SCNN1B: variants seen among roughly 807,000 people sequenced by gnomAD.
The protein encoded by SCNN1B is epithelial sodium channel subunit beta.
A neutral mutation model predicts 65.3 loss-of-function variants in SCNN1B; 46 were observed. That is an observed-to-expected ratio of 0.70 (90% CI 0.56 to 0.90). SCNN1B has a LOEUF of 0.90. Among genes scored for constraint, SCNN1B ranks in the 40% least tolerant of loss-of-function variants. SCNN1B has a pLI of 0.00. For synonymous variants in SCNN1B, 349 were observed against 330.6 expected, an observed-to-expected ratio of 1.06 and a Z score of -0.60; for missense variants, 751 against 830.5, an observed-to-expected ratio of 0.90 and a Z score of 1.18.
intron 1 of SCNN1B, among the ~76,000 whole-genome samples, chr16:23,312,493 A>T (rs1235573394): frequency 2.0e-5 from 3 of 151,522 alleles, no homozygotes; most frequent in African/African-American, 7.3e-5. Context: ...CAGCATGCTG[A>T]CCCCCAGGCA....
At chr16:23,308,783 C>A (rs180798948) in intron 1 of SCNN1B, among the ~76,000 whole-genome samples, 2 of 152,244 alleles carry the variant, frequency 1.3e-5, no homozygotes, top group Non-Finnish European at 2.9e-5. Flanking sequence ...CAGGTGCCTG[C>A]CCCCACACCC....
At chr16:23,281,567 C>T (rs1289681242) in intron 1 of SCNN1B, among the ~76,000 whole-genome samples, 1 of 152,200 alleles carries the variant, frequency 6.6e-6, no homozygotes, top group Non-Finnish European at 1.5e-5. Flanking sequence ...GGGTCAGGTA[C>T]AGTTGGCACT....
In SCNN1B at chr16:23,372,646, G is replaced by A. The variant is rs1596883919; in HGVS notation, c.1152+763G>A. On this transcript the variant is annotated intron_variant, in intron 7 of 12. Transcript: ENST00000343070. ...GTAGCTGGGACTACAGGTGCCCACC[G>A]CTACACCGGCTAATTTTTTTGTATT... Among the ~76,000 whole-genome samples the A allele has an allele frequency of 3.3e-5, 5 of 151,522 alleles. No individual in the cohort carries two copies. The South Asian group carries it at 6.3e-4, about 19-fold the overall frequency.
intron 7 of SCNN1B, among the ~76,000 whole-genome samples, chr16:23,374,269 A>G (rs1449951209): frequency 1.2e-4 from 5 of 42,918 alleles, no homozygotes; most frequent in African/African-American, 5.4e-4. Context: ...CTGTCTCAGG[A>G]AAAAAAAAAA....
Position 23,331,350 on chromosome 16 carries a change from A to G in SCNN1B, c.-8-17242A>G, listed in dbSNP as rs1596842496. Among the ~76,000 whole-genome samples, 3 of 147,338 alleles carry G rather than the reference A, an allele frequency of 2.0e-5. No homozygotes were observed. The East Asian group carries it at 6.0e-4, about 29-fold the overall frequency. On this transcript the variant is annotated intron_variant, in intron 1 of 12. Coordinates refer to ENST00000343070, the MANE Select transcript of SCNN1B (RefSeq NM_000336.3). ...CTTTTTTTTTTTTTTTTTGAGACAG[A>G]GTCTCACTTTGTCATCCAGGCTGGA...
intron 5 of SCNN1B, 83 bp from the exon 6 acceptor site, chr16:23,371,216 G>A (rs907859875): frequency 4.5e-5 from 69 of 1,521,858 alleles, no homozygotes; most frequent in Non-Finnish European, 5.4e-6. Flanking sequence ...CCTGGCCGGA[G>A]GGAGCTTGGA....
At chr16:23,363,933 A>G (rs1962600368) in intron 4 of SCNN1B, among the ~76,000 whole-genome samples, 1 of 151,904 alleles carries the variant, frequency 6.6e-6, no homozygotes, top group South Asian at 2.1e-4. Flanking sequence ...TTGGGAGGCC[A>G]AGGCAGGTGG....
chr16:23,356,645 C>CA (rs1962427700), intron 4 of SCNN1B, among the ~76,000 whole-genome samples: 1 of 151,124 alleles, frequency 6.6e-6, no homozygotes, highest in African/African-American at 2.4e-5. Flanking sequence ...AAACAAAAAA[C>CA]AAAAAAACAC....
intron 4 of SCNN1B, among the ~76,000 whole-genome samples, chr16:23,360,201 A>AAAATAAATAAATAAAT (rs781261312): frequency 0.086 from 11,431 of 132,556 alleles, 529 homozygotes; most frequent in Middle Eastern, 0.13. Flanking sequence ...CCATCTCAAA[A>AAAATAAATAAATAAAT]AAATAAATAA....
intron 1 of SCNN1B, among the ~76,000 whole-genome samples, chr16:23,302,781 C>A (rs556977823): frequency 4.6e-5 from 7 of 152,310 alleles, no homozygotes; most frequent in African/African-American, 1.7e-4. Flanking sequence ...CAATGAAACT[C>A]GAGAGCGCTT....
intron 1 of SCNN1B, among the ~76,000 whole-genome samples, chr16:23,317,591 T>C (rs985857037): frequency 1.6e-4 from 25 of 152,206 alleles, no homozygotes; most frequent in African/African-American, 6.0e-4. Context: ...AGGATCCTTT[T>C]CCAGGCTGCA....
chr16:23,360,890 G>A (rs1386794619), intron 4 of SCNN1B, among the ~76,000 whole-genome samples: 1 of 152,076 alleles, frequency 6.6e-6, no homozygotes, highest in Non-Finnish European at 1.5e-5. Flanking sequence ...CGCCTCCCGG[G>A]TTCATACCAT....
chr16:23,378,781 T>A lies in SCNN1B; in HGVS notation c.1466+14T>A, dbSNP rs1962968026. ...CACCCTGAGCAGGTGAGCCTGAGCC[T>A]GGGCGGGGCTGGGGAAGACAGGGAA... On this transcript the variant is annotated intron_variant, in intron 11 of 12. Coordinates refer to ENST00000343070, the MANE Select transcript of SCNN1B (RefSeq NM_000336.3). The A allele has an allele frequency of 1.2e-6, 2 of 1,613,404 alleles. No individual in the cohort carries two copies. Among genetic ancestry groups the A allele is most frequent in the African/African-American group, 1.3e-5 (1 of 74,870 alleles).
intron 4 of SCNN1B, among the ~76,000 whole-genome samples, chr16:23,364,944 G>A (rs1478864905): frequency 6.6e-6 from 1 of 152,038 alleles, no homozygotes; most frequent in East Asian, 1.9e-4. Flanking sequence ...TGGCCAACAT[G>A]GTGAAACCCC....
chr16:23,370,786 AT>A (rs1170821203), intron 5 of SCNN1B, among the ~76,000 whole-genome samples: 1 of 152,204 alleles, frequency 6.6e-6, no homozygotes, highest in Non-Finnish European at 1.5e-5. Context: ...GAGCTAGGGA[AT>A]AGCACTCCAG....
chr16:23,333,870 G>A lies in SCNN1B; in HGVS notation c.-8-14722G>A, dbSNP rs149955991. ...GACTCAGAGAGACCAACCTATTTAC[G>A]TCATGGATTGAGCCCCTTCCTTAAG... On this transcript the variant is annotated intron_variant, in intron 1 of 12. Transcript: ENST00000343070. 3.0e-3 allele frequency among the ~76,000 whole-genome samples: 456 copies of A among 152,184 alleles called. 1 individual carries two copies. Among genetic ancestry groups the A allele is most frequent in the African/African-American group, 1.0e-2 (414 of 41,528 alleles).
chr16:23,341,343 C>G (rs2142009312), intron 1 of SCNN1B, among the ~76,000 whole-genome samples: 1 of 152,214 alleles, frequency 6.6e-6, no homozygotes, highest in East Asian at 1.9e-4. Flanking sequence ...AGAGCTGGAA[C>G]TATAAAGTCC....
intron 4 of SCNN1B, among the ~76,000 whole-genome samples, chr16:23,360,670 A>T (rs2142028513): frequency 7.1e-6 from 1 of 140,778 alleles, no homozygotes; most frequent in East Asian, 2.1e-4. Flanking sequence ...ATCTCCACTC[A>T]CTGCAACCTC....
At chr16:23,369,170 C>G (rs1338799656) in intron 5 of SCNN1B, among the ~76,000 whole-genome samples, 4 of 152,140 alleles carry the variant, frequency 2.6e-5, no homozygotes, top group African/African-American at 9.7e-5. Context: ...TGCAGTGGCA[C>G]GGTCATGGCT....
Sources: gnomAD v4.1 joint callset for allele counts (sites outside exome capture counted in the v4.1 genomes callset) on GRCh38, gnomAD v4.1.1 for gene constraint, MANE v1.5 for transcripts, NCBI Gene and HGNC (gene_info 2026-07-23, HGNC 2026-07-21) for gene names.